OPCML: variants seen among roughly 807,000 people sequenced by gnomAD.
OPCML encodes opioid-binding protein/cell adhesion molecule.
In OPCML, 13 loss-of-function variants were observed where a neutral mutation model predicts 37.8. The observed-to-expected ratio is 0.34, with a 90% CI of 0.22 to 0.55. The LOEUF (loss-of-function observed/expected upper bound fraction) is 0.55, where lower values mean the gene tolerates loss of function less well. Among genes scored for constraint, OPCML ranks in the 20% least tolerant of loss-of-function variants. The pLI, the probability that OPCML is intolerant of heterozygous loss-of-function variation, is 0.91. For missense variants in OPCML, 341 were observed against 435.6 expected (o/e 0.78, Z 1.93); for synonymous variants, 176 against 168.8 (o/e 1.04, Z -0.33).
In OPCML at chr11:132,833,103, C is replaced by T. The variant is rs758064303; in HGVS notation, c.146+109823G>A. 2.6e-5 allele frequency among the ~76,000 whole-genome samples: 4 copies of T among 151,870 alleles called. No homozygotes were observed. The East Asian group carries it at 7.7e-4, about 29-fold the overall frequency. On this transcript the variant is annotated intron_variant, in intron 2 of 7. Transcript: ENST00000524381. ...TTTAACTTTTTAAATTTTCTTTCTT[C>T]AATAATAAACTAATCTTCGCATTAT...
rs183917804 is a variant in OPCML at position 133,271,148 on chromosome 11, T to C, written c.61+261116A>G. On this transcript the variant is annotated intron_variant, in intron 1 of 7. Coordinates refer to ENST00000524381, the MANE Select transcript of OPCML (RefSeq NM_001012393.5). ...TAATGAGTTGTATACCCTTTGTGCGTCTAAATTCCCTACTCTATAAAATAA... is the reference window on the plus strand; with the variant it reads ...TAATGAGTTGTATACCCTTTGTGCGCCTAAATTCCCTACTCTATAAAATAA... 3.2e-3 allele frequency among the ~76,000 whole-genome samples: 482 copies of C among 152,290 alleles called. 7 individuals carry two copies. Among genetic ancestry groups the C allele is most frequent in the African/African-American group, 0.011 (460 of 41,554 alleles).
intron 1 of OPCML, chr11:133,006,964 T>C: frequency 1.0e-6 from 1 of 985,452 alleles, no homozygotes; most frequent in Non-Finnish European, 1.2e-6. Flanking sequence ...GTCTGCAAAA[T>C]ACCTGAACTG....
chr11:133,077,550 T>C (rs991258226), intron 1 of OPCML, among the ~76,000 whole-genome samples: 2 of 152,094 alleles, frequency 1.3e-5, no homozygotes, highest in East Asian at 1.9e-4. Context: ...TTTTTTTAAT[T>C]ACTATAAATA....
intron 2 of OPCML, among the ~76,000 whole-genome samples, chr11:132,909,285 C>A (rs745811029): frequency 1.8e-4 from 27 of 152,202 alleles, no homozygotes; most frequent in Admixed American, 3.9e-4. Flanking sequence ...ACCTCAAGGG[C>A]TGAGTGTAAC....
intron 1 of OPCML, among the ~76,000 whole-genome samples, chr11:133,494,777 C>T (rs1174025990): frequency 8.3e-5 from 12 of 144,270 alleles, no homozygotes; most frequent in South Asian, 2.3e-4. Context: ...TGCTAAATGA[C>T]GAGTTAATGG....
chr11:132,678,158 T>C (rs1024231477), intron 2 of OPCML, among the ~76,000 whole-genome samples: 4 of 152,196 alleles, frequency 2.6e-5, no homozygotes, highest in Non-Finnish European at 5.9e-5. Flanking sequence ...CTCCACATCA[T>C]ATATTATCAG....
intron 2 of OPCML, among the ~76,000 whole-genome samples, chr11:132,863,977 G>A (rs1022386223): frequency 2.6e-5 from 4 of 151,722 alleles, no homozygotes; most frequent in South Asian, 2.1e-4. Context: ...TCATGCTGTC[G>A]CCCAGGCTGG....
chr11:132,657,080 G>C lies in OPCML; in HGVS notation c.379+7C>G, dbSNP rs1941743825. The C allele has an allele frequency of 6.2e-7, 1 of 1,613,252 alleles. No individual in the cohort carries two copies. The highest frequency in any genetic ancestry group is 2.2e-5 in the East Asian group (1 of 44,878). On this transcript the variant is annotated splice_region_variant and intron_variant, in intron 3 of 7. Coordinates refer to ENST00000524381, the MANE Select transcript of OPCML (RefSeq NM_001012393.5). ...GAATGGCAACCCCAGATCCAGCTGG[G>C]ACTTACCTTGCACTATTAGGTGAAC...
intron 2 of OPCML, among the ~76,000 whole-genome samples, chr11:132,724,790 G>A (rs989238313): frequency 6.6e-6 from 1 of 152,126 alleles, no homozygotes; most frequent in Admixed American, 6.5e-5. Flanking sequence ...GAAGAAATTG[G>A]CCAAAACAAA....
chr11:132,619,959 A>AT (rs1322670131), intron 3 of OPCML, among the ~76,000 whole-genome samples: 2 of 152,256 alleles, frequency 1.3e-5, no homozygotes, highest in African/African-American at 4.8e-5. Context: ...TTTGACATTA[A>AT]ATCTATTTAG....
chr11:132,923,283 T>C (rs1565967674), intron 2 of OPCML, among the ~76,000 whole-genome samples: 1 of 152,114 alleles, frequency 6.6e-6, no homozygotes, highest in Non-Finnish European at 1.5e-5. Context: ...TTTCCTTGTA[T>C]GAGAACCAGA....
intron 1 of OPCML, among the ~76,000 whole-genome samples, chr11:133,400,564 C>A (rs193257994): frequency 5.9e-5 from 9 of 152,226 alleles, no homozygotes; most frequent in Non-Finnish European, 1.2e-4. Context: ...AATGGTTGTA[C>A]AATGAGAATT....
chr11:132,757,322 T>G (rs58761587), intron 2 of OPCML, among the ~76,000 whole-genome samples: 8,970 of 152,226 alleles, frequency 0.059, 450 homozygotes, highest in African/African-American at 0.14. Flanking sequence ...ACCCAGTAAT[T>G]GGATTGCTGG....
At chr11:132,601,519 T>C (rs1937898132) in intron 3 of OPCML, among the ~76,000 whole-genome samples, 1 of 152,176 alleles carries the variant, frequency 6.6e-6, no homozygotes, top group Admixed American at 6.5e-5. Flanking sequence ...ATCCTTCTCC[T>C]CACCTTGCAT....
intron 1 of OPCML, among the ~76,000 whole-genome samples, chr11:133,151,453 A>C (rs4367953): frequency 6.6e-6 from 1 of 150,810 alleles, no homozygotes; most frequent in Non-Finnish European, 1.5e-5. Context: ...AAGAGAATGT[A>C]TTTTTTTTTC....
intron 2 of OPCML, among the ~76,000 whole-genome samples, chr11:132,849,136 C>T (rs1941685360): frequency 6.6e-6 from 1 of 152,230 alleles, no homozygotes; most frequent in South Asian, 2.1e-4. Context: ...TTACAATGCT[C>T]ATTTCCTTGC....
At chr11:132,881,937 A>C (rs76537837) in intron 2 of OPCML, among the ~76,000 whole-genome samples, 3,653 of 152,302 alleles carry the variant, frequency 0.024, 154 homozygotes, top group African/African-American at 0.084. Flanking sequence ...AATAGCCCCT[A>C]ACTCTAATTA....
In OPCML at chr11:133,173,912, G is replaced by C. The variant is rs1020130129; in HGVS notation, c.62-230902C>G. On this transcript the variant is annotated intron_variant, in intron 1 of 7. Transcript: ENST00000524381. This position sits in a 1 kb window ranked among gnomAD's most constrained non-coding sequence, Gnocchi z 7.8. ...CTGGAATGAAGATTGGACCGGGGCC[G>C]GCCGGCACTGGAGCAGCCCTCTCCC... Among the ~76,000 whole-genome samples the C allele has an allele frequency of 6.6e-6, 1 of 152,150 alleles. No homozygotes were observed. Among genetic ancestry groups the C allele is most frequent in the Non-Finnish European group, 1.5e-5 (1 of 68,026 alleles).
intron 2 of OPCML, among the ~76,000 whole-genome samples, chr11:132,785,033 A>G (rs1947161174): frequency 6.6e-6 from 1 of 152,212 alleles, no homozygotes; most frequent in Non-Finnish European, 1.5e-5. Context: ...TTTCTTTTAC[A>G]TAATACTCCC....
Sources: gnomAD v4.1 joint callset for allele counts (sites outside exome capture counted in the v4.1 genomes callset) on GRCh38, gnomAD v4.1.1 for gene constraint, Gnocchi (gnomAD v3.1) non-coding constraint, MANE v1.5 for transcripts, NCBI Gene and HGNC (gene_info 2026-07-23, HGNC 2026-07-21) for gene names.